Variants in CHD7 observed in about 807,000 individuals in gnomAD.
CHD7 encodes the protein ATP-dependent chromatin remodeler CHD7.
In CHD7, 24 loss-of-function variants were observed where a neutral mutation model predicts 307.3. The observed-to-expected ratio is 0.08, with a 90% CI of 0.06 to 0.11. CHD7 has a LOEUF of 0.11. Among genes scored for constraint, CHD7 ranks in the 10% least tolerant of loss-of-function variants. CHD7 has a pLI of 1.00. For synonymous variants in CHD7, 1,363 were observed against 1,349.9 expected, an observed-to-expected ratio of 1.01 and a Z score of -0.21; for missense variants, 3,106 against 3,727.1, an observed-to-expected ratio of 0.83 and a Z score of 4.34.
intron 2 of CHD7, among the ~76,000 whole-genome samples, chr8:60,750,388 A>AGGGAAGT (rs1809577466): frequency 6.6e-6 from 1 of 152,182 alleles, no homozygotes; most frequent in Admixed American, 6.5e-5. Flanking sequence ...AGGAGACAGC[A>AGGGAAGT]ACCTCCACCG....
intron 1 of CHD7, among the ~76,000 whole-genome samples, chr8:60,704,160 C>T (rs1806901679): frequency 1.3e-5 from 2 of 152,086 alleles, no homozygotes; most frequent in South Asian, 4.1e-4. Flanking sequence ...TTTTGTCTTA[C>T]TCTTCCCAAG....
chr8:60,850,956 C>A, intron 26 of CHD7, 76 bp from the exon 27 acceptor site: 1 of 1,037,534 alleles, frequency 9.6e-7, no homozygotes, highest in Non-Finnish European at 1.4e-6. Flanking sequence ...CAGATTATTA[C>A]TCTTTCCTAC....
intron 2 of CHD7, among the ~76,000 whole-genome samples, chr8:60,771,007 A>C (rs888291503): frequency 1.3e-5 from 2 of 152,200 alleles, no homozygotes; most frequent in Non-Finnish European, 2.9e-5. Flanking sequence ...ATGTGCAGCA[A>C]ATTTCTTAAC....
chr8:60,829,917 C>A (rs963223137), intron 14 of CHD7, among the ~76,000 whole-genome samples: 5 of 152,174 alleles, frequency 3.3e-5, no homozygotes, highest in African/African-American at 1.2e-4. Flanking sequence ...TTGCTCCTGG[C>A]TCACTTCCTC....
intron 1 of CHD7, among the ~76,000 whole-genome samples, chr8:60,706,846 T>C (rs1160166117): frequency 6.6e-6 from 1 of 152,116 alleles, no homozygotes; most frequent in East Asian, 1.9e-4. Context: ...ATACTTTAAG[T>C]TCTAGGATAC....
intron 1 of CHD7, among the ~76,000 whole-genome samples, chr8:60,707,882 G>A (rs1482323617): frequency 2.0e-5 from 3 of 152,152 alleles, no homozygotes; most frequent in South Asian, 4.1e-4. Flanking sequence ...CAGTTTTATG[G>A]CAAAGCAGGA....
chr8:60,687,052 A>T (rs1385374776), intron 1 of CHD7, among the ~76,000 whole-genome samples: 1 of 152,226 alleles, frequency 6.6e-6, no homozygotes, highest in African/African-American at 2.4e-5. Context: ...AGTAGCTGGG[A>T]TTACTGGCAT....
intron 1 of CHD7, among the ~76,000 whole-genome samples, chr8:60,710,849 T>G (rs1366972415): frequency 3.9e-5 from 6 of 152,204 alleles, no homozygotes; most frequent in Non-Finnish European, 5.9e-5. Flanking sequence ...ATGCATACTA[T>G]GTGCAGACAC....
rs77240900 is a variant in CHD7 at position 60,818,910 on chromosome 8, T to A, written c.2614-1097T>A. Among the ~76,000 whole-genome samples, 978 of 152,346 alleles carry A rather than the reference T, an allele frequency of 6.4e-3. 13 individuals are homozygous for A. The highest frequency in any genetic ancestry group is 0.029 in the South Asian group (139 of 4,822). On this transcript the variant is annotated intron_variant, in intron 8 of 37. Transcript: ENST00000423902. ...AAAATGTGTCTTTTGTTTTCTAACA[T>A]CTGAAACTTGTCTGACCCTAACTTC...
intron 1 of CHD7, among the ~76,000 whole-genome samples, chr8:60,686,809 G>C (rs1355212235): frequency 1.3e-5 from 2 of 152,190 alleles, no homozygotes; most frequent in Non-Finnish European, 2.9e-5. Flanking sequence ...CTAAAAAAGG[G>C]TACATGGCAC....
At chr8:60,690,855 C>A (rs927548989) in intron 1 of CHD7, among the ~76,000 whole-genome samples, 1 of 152,186 alleles carries the variant, frequency 6.6e-6, no homozygotes, top group Non-Finnish European at 1.5e-5. Flanking sequence ...GGTTGACAGT[C>A]GCCGACTCCC....
intron 13 of CHD7, chr8:60,825,417 C>T (rs1804217071): frequency 6.6e-6 from 1 of 152,204 alleles, no homozygotes; most frequent in South Asian, 2.1e-4. Flanking sequence ...TGTCTCAAAG[C>T]AGTTGACTAT....
intron 19 of CHD7, 40 bp downstream of exon 19, chr8:60,838,295 C>T (rs753924985): frequency 1.3e-6 from 2 of 1,556,722 alleles, no homozygotes; most frequent in South Asian, 2.3e-5. Flanking sequence ...TCCATAGAAG[C>T]ATGACAGAGT....
intron 1 of CHD7, among the ~76,000 whole-genome samples, chr8:60,710,984 T>G (rs761492452): frequency 7.9e-5 from 12 of 152,230 alleles, no homozygotes; most frequent in South Asian, 4.1e-4. Flanking sequence ...ATTCCTAGTC[T>G]TCTTTACTGT....
intron 1 of CHD7, among the ~76,000 whole-genome samples, chr8:60,687,096 A>T (rs890869987): frequency 6.6e-6 from 1 of 152,228 alleles, no homozygotes; most frequent in Non-Finnish European, 1.5e-5. Flanking sequence ...AACATTTTAG[A>T]AATCTGTCTG....
At chr8:60,807,940 GGTT>G (rs1419138963) in intron 6 of CHD7, among the ~76,000 whole-genome samples, 16 of 152,226 alleles carry the variant, frequency 1.1e-4, no homozygotes, top group African/African-American at 3.6e-4. Context: ...TTTGGGGTCA[GGTT>G]GTTGTGAATG....
rs116338062 is a variant in CHD7, at chr8:60,725,364, G to A, written c.-174-15895G>A. Among the ~76,000 whole-genome samples, 1,148 of 152,276 alleles carry A rather than the reference G, an allele frequency of 7.5e-3. 18 individuals are homozygous for A. The highest frequency in any genetic ancestry group is 0.026 in the African/African-American group (1,066 of 41,548). On this transcript the variant is annotated intron_variant, in intron 1 of 37. Transcript: ENST00000423902. ...GAGATCTCTTCTATCTGTATAGTCC[G>A]GAATTCTGAGTAGTATCCCAAAGTG... is the stretch of plus-strand genomic sequence containing the variant.
intron 1 of CHD7, among the ~76,000 whole-genome samples, chr8:60,685,446 A>G (rs1392866778): frequency 6.6e-6 from 1 of 152,118 alleles, no homozygotes; most frequent in East Asian, 1.9e-4. Flanking sequence ...GTTCTTCTGT[A>G]TGTCCCCTTA....
intron 3 of CHD7, among the ~76,000 whole-genome samples, chr8:60,784,317 T>C (rs1297880460): frequency 6.6e-6 from 1 of 152,226 alleles, no homozygotes; most frequent in Admixed American, 6.5e-5. Context: ...TTGATGAATT[T>C]GTTTATACAG....
Sources: allele counts gnomAD v4.1 joint callset (sites outside exome capture counted in the v4.1 genomes callset), GRCh38; gene constraint gnomAD v4.1.1; transcripts MANE v1.5; gene names NCBI Gene and HGNC (gene_info 2026-07-23, HGNC 2026-07-21).